Variants in NPC1 observed in about 807,000 individuals in gnomAD.
The protein encoded by NPC1 is NPC intracellular cholesterol transporter 1.
Under a neutral mutation model 140.4 loss-of-function variants are expected in NPC1, and 85 were observed. The ratio of observed to expected loss-of-function variants is 0.61; its 90% CI spans 0.51 to 0.72. The LOEUF (loss-of-function observed/expected upper bound fraction) is 0.72. Among genes scored for constraint, NPC1 ranks in the 30% least tolerant of loss-of-function variants. NPC1 has a pLI of 0.00. For missense variants in NPC1, 1,504 were observed against 1,623.8 expected (o/e 0.93, Z 1.27); for synonymous variants, 656 against 624.8 (o/e 1.05, Z -0.74).
chr18:23,548,893 T>G (rs1652344), intron 10 of NPC1, among the ~76,000 whole-genome samples: 2 of 151,854 alleles, frequency 1.3e-5, no homozygotes, highest in Non-Finnish European at 2.9e-5. Flanking sequence ...CGAACTCAAT[T>G]AATCCTCCTG....
intron 3 of NPC1, among the ~76,000 whole-genome samples, chr18:23,571,581 C>T (rs989341475): frequency 2.6e-5 from 4 of 151,610 alleles, no homozygotes; most frequent in Non-Finnish European, 5.9e-5. Context: ...CGCTTGAACC[C>T]GGGAGGAGGT....
intron 1 of NPC1, among the ~76,000 whole-genome samples, chr18:23,585,095 AG>A (rs2059401181): frequency 6.6e-6 from 1 of 152,074 alleles, no homozygotes. Flanking sequence ...CTAGGGAAAC[AG>A]AATAGCCACA....
intron 23 of NPC1, chr18:23,534,050 T>C (rs1266668003): frequency 5.7e-6 from 2 of 353,720 alleles, no homozygotes; most frequent in Non-Finnish European, 1.1e-5. Context: ...TTTTACTCTT[T>C]ACCAGGTATT....
At chr18:23,556,755 TA>T in intron 7 of NPC1, 142 bp from the exon 8 acceptor site, 1 of 1,327,738 alleles carries the variant, frequency 7.5e-7, no homozygotes, top group Middle Eastern at 2.5e-4. Flanking sequence ...TGCCCTCAGC[TA>T]CCTATCTGCT....
chr18:23,548,984 T>TA (rs1029853905), intron 10 of NPC1, among the ~76,000 whole-genome samples: 2 of 152,138 alleles, frequency 1.3e-5, no homozygotes, highest in African/African-American at 4.8e-5. Flanking sequence ...AGATGGGATT[T>TA]TGTCATGTTG....
chr18:23,575,676 A>C (rs552815409), intron 1 of NPC1, among the ~76,000 whole-genome samples: 1 of 151,898 alleles, frequency 6.6e-6, no homozygotes, highest in East Asian at 1.9e-4. Flanking sequence ...AAGACTTAAA[A>C]AATTAACACC....
Position 23,544,940 on chromosome 18 carries a change from A to ACCCCCCC in NPC1, c.1947+19_1947+20insGGGGGGG, listed in dbSNP as rs770879191. On this transcript the variant is annotated intron_variant, in intron 12 of 24. Transcript: ENST00000269228. ...ACTGCTGTTAACCTCTAGAACATAC[A>ACCCCCCC]CCACCCCCCCCCGGCTTACCAGAAG... is the stretch of plus-strand genomic sequence containing the variant. The ACCCCCCC allele has an allele frequency of 5.0e-6, 6 of 1,206,144 alleles. No individual in the cohort carries two copies. Among genetic ancestry groups the ACCCCCCC allele is most frequent in the South Asian group, 2.5e-5 (2 of 80,742 alleles). The allele number at this position is 1,206,144 out of a possible 1,614,324, so 74.7% of individuals were successfully genotyped here.
downstream of NPC1, chr18:23,529,287 G>T (rs144103523): frequency 3.1e-6 from 5 of 1,610,578 alleles, no homozygotes; most frequent in Middle Eastern, 1.7e-4. Context: ...GTCAGCCTTT[G>T]TGGAAAAGAA....
At chr18:23,545,377 G>C (rs1442907129) in intron 11 of NPC1, among the ~76,000 whole-genome samples, 1 of 152,134 alleles carries the variant, frequency 6.6e-6, no homozygotes, top group African/African-American at 2.4e-5. Flanking sequence ...TGAGTAGCTG[G>C]GACTCCAGGC....
intron 4 of NPC1, among the ~76,000 whole-genome samples, chr18:23,564,304 A>G (rs1008489136): frequency 3.9e-5 from 6 of 152,114 alleles, no homozygotes; most frequent in South Asian, 2.1e-4. Context: ...TATGTATTCT[A>G]GATACAAGTC....
Position 23,568,991 on chromosome 18 carries a change from A to G in NPC1, c.295T>C (p.Ser99Pro), listed in dbSNP as rs1393471949. The change falls in exon 4 of 25, where the codon TCC (serine) becomes CCC (proline). Residue 99 changes from serine to proline, a missense_variant. By Grantham distance (74) the Ser-to-Pro change is moderately conservative (BLOSUM62 -1). Transcript: ENST00000269228. ...AGGTTCAGTAGGTTATAAAAACAGGATGGACATCTAAAGGAAAAGTAAATT... is the reference window on the plus strand; with the variant it reads ...AGGTTCAGTAGGTTATAAAAACAGGGTGGACATCTAAAGGAAAAGTAAATT... Reference protein sequence around the residue: ...LPLQFLSRCPSCFYNLLNLFC... With the variant: ...LPLQFLSRCPPCFYNLLNLFC... 1 of 1,612,468 alleles carries G rather than the reference A, an allele frequency of 6.2e-7. No individual in the cohort carries two copies. Among genetic ancestry groups the G allele is most frequent in the South Asian group, 1.1e-5 (1 of 91,028 alleles).
intron 4 of NPC1, among the ~76,000 whole-genome samples, chr18:23,567,147 C>T (rs1250504297): frequency 2.0e-5 from 3 of 152,174 alleles, no homozygotes; most frequent in African/African-American, 7.2e-5. Flanking sequence ...CAAATATCCA[C>T]GTGCAGGTTT....
At chr18:23,563,875 ATC>A (rs1215732711) in intron 4 of NPC1, among the ~76,000 whole-genome samples, 2 of 151,752 alleles carry the variant, frequency 1.3e-5, no homozygotes, top group Non-Finnish European at 2.9e-5. Flanking sequence ...AGTATTGAGC[ATC>A]TCTCATGTGC....
At chr18:23,538,816 T>A in intron 19 of NPC1, 145 bp from the exon 20 acceptor site, 1 of 834,844 alleles carries the variant, frequency 1.2e-6, no homozygotes, top group East Asian at 2.6e-5. Context: ...TTTCCCCTTA[T>A]CTAAAAGCTT....
At chr18:23,559,925 T>C (rs2059013274) in intron 6 of NPC1, among the ~76,000 whole-genome samples, 1 of 152,056 alleles carries the variant, frequency 6.6e-6, no homozygotes, top group Non-Finnish European at 1.5e-5. Flanking sequence ...ACCACTGCAC[T>C]TCAGCCTGGG....
At chr18:23,506,766 A>G in intron 3 of NPC1, 1 of 462,020 alleles carries the variant, frequency 2.2e-6, no homozygotes, top group Non-Finnish European at 3.9e-6. Context: ...GTTACCCATA[A>G]TACTGTAAGT....
At position 23,548,183 on chromosome 18, in the gene NPC1, T is replaced by C. The variant is rs2058815710; in HGVS notation, c.1655-75A>G. 4 of 852,374 alleles carry C rather than the reference T, an allele frequency of 4.7e-6. No individual in the cohort carries two copies. The East Asian group carries it at 7.2e-5, about 15-fold the overall frequency. The allele number at this position is 852,374 out of a possible 1,614,324, so 52.8% of individuals were successfully genotyped here. A position where few individuals can be genotyped will look rare whatever the true frequency, so the allele number is the denominator to read the frequency against. ...AATTAGACACATACCAGGGGAAAAA[T>C]CACAACACAGATTTCTCACTGGAGC... On this transcript the variant is annotated intron_variant, in intron 10 of 24. Coordinates refer to ENST00000269228, the MANE Select transcript of NPC1 (RefSeq NM_000271.5).
At position 23,573,572 on chromosome 18, in the gene NPC1, C is replaced by T. The variant is rs372042178; in HGVS notation, c.60G>A (p.Val20=). The stretch of plus-strand genomic sequence containing the variant: ...CATACCAAACACAGGACTGTGAAAA[C>T]ACCTACAGAAAGTCAACACAAACTT... ...LLLLLLCPAQ[V]FSQSCVWYGE... is the part of the protein sequence containing the mutation. Residue 20 remains valine (V), a splice_region_variant and synonymous_variant, in exon 2 of 25, where the codon GTG becomes GTA. Transcript: ENST00000269228. The T allele has an allele frequency of 1.9e-6, 3 of 1,614,016 alleles. No individual in the cohort carries two copies. The African/African-American group carries it at 4.0e-5, about 22-fold the overall frequency.
chr18:23,538,416 G>A (rs1377111148), intron 20 of NPC1, 126 bp downstream of exon 20: 1 of 1,183,918 alleles, frequency 8.4e-7, no homozygotes, highest in South Asian at 1.2e-5. Context: ...TCCACCAAAG[G>A]ACCAGGACAG....
Sources: gnomAD v4.1 joint callset for allele counts (sites outside exome capture counted in the v4.1 genomes callset) on GRCh38, gnomAD v4.1.1 for gene constraint, MANE v1.5 for transcripts, NCBI Gene and HGNC (gene_info 2026-07-23, HGNC 2026-07-21) for gene names.